Variants in WDR17 observed in about 807,000 individuals in gnomAD.
The protein encoded by WDR17 is WD repeat-containing protein 17.
Under a neutral mutation model 161.7 loss-of-function variants are expected in WDR17, and 143 were observed. The ratio of observed to expected loss-of-function variants is 0.88; its 90% CI spans 0.77 to 1.02. The LOEUF is 1.02. Among genes scored for constraint, WDR17 ranks in the 50% least tolerant of loss-of-function variants. The probability of loss-of-function intolerance (pLI) is 0.00; values close to 1 mark genes in which losing one functional copy is unlikely to be tolerated. For synonymous variants in WDR17, 517 were observed against 515.6 expected (o/e 1.00, Z -0.04); for missense variants, 1,469 against 1,520.9 (o/e 0.97, Z 0.57).
In WDR17 at chr4:176,090,252, GT is replaced by G. The variant is rs201862388; in HGVS notation, c.-6-21319del. Among the ~76,000 whole-genome samples the G allele has an allele frequency of 7.8e-3, 952 of 121,348 alleles. 13 individuals carry two copies. Among genetic ancestry groups the G allele is most frequent in the African/African-American group, 0.032 (881 of 27,556 alleles). The allele number at this position is 121,348 out of a possible 152,430, so 79.6% of individuals were successfully genotyped here. A position where few individuals can be genotyped will look rare whatever the true frequency, so the allele number is the denominator to read the frequency against. On this transcript the variant is annotated intron_variant, in intron 1 of 28. Transcript: ENST00000508596. ...CTATTAGTTCCTACTAGAGCTGGTT[GT>G]TTTAAAAAAAAAAAAAAAAAGCCTG...
intron 24 of WDR17, 57 bp from the exon 25 acceptor site, chr4:176,173,210 T>G: frequency 8.7e-7 from 1 of 1,149,776 alleles, no homozygotes; most frequent in Non-Finnish European, 1.3e-6. Context: ...TAAAAATGGA[T>G]GAATAAATTT....
chr4:176,103,692 A>C (rs1352425483), intron 1 of WDR17, among the ~76,000 whole-genome samples: 1 of 152,098 alleles, frequency 6.6e-6, no homozygotes, highest in East Asian at 1.9e-4. Context: ...GCAAATATGA[A>C]GATAAGACAA....
At chr4:176,073,761 C>T (rs966771735) in intron 1 of WDR17, among the ~76,000 whole-genome samples, 21 of 151,616 alleles carry the variant, frequency 1.4e-4, no homozygotes, top group African/African-American at 5.1e-4. Flanking sequence ...TCCTCTCCAG[C>T]ACCTGTTGTT....
chr4:176,169,927 A>T (rs568828976), intron 23 of WDR17, among the ~76,000 whole-genome samples: 1 of 152,326 alleles, frequency 6.6e-6, no homozygotes, highest in African/African-American at 2.4e-5. Context: ...TTTTAACATG[A>T]CAACTAAAAG....
chr4:176,149,297 T>G (rs1365800091), intron 13 of WDR17, among the ~76,000 whole-genome samples: 3 of 152,232 alleles, frequency 2.0e-5, no homozygotes, highest in African/African-American at 7.2e-5. Context: ...AGAGTCTCAC[T>G]CTGGCTCTGT....
chr4:176,130,882 G>A (rs1358920111), intron 6 of WDR17, among the ~76,000 whole-genome samples: 1 of 151,976 alleles, frequency 6.6e-6, no homozygotes, highest in Non-Finnish European at 1.5e-5. Context: ...ACATTCTAAG[G>A]AAGAGCTTTT....
Position 176,174,621 on chromosome 4 carries a change from C to A in WDR17, c.3352C>A (p.Arg1118=), listed in dbSNP as rs1561221070. 6.2e-7 allele frequency: 1 copy of A among 1,603,002 alleles called. No individual in the cohort carries two copies. ...AATAAATATATTCTCTTTTAGAGCT[C>A]GAAATGAGTTGCTGATATTATGTGG... ...KLLLHTCTEA[R]NELLILCGYI... The change falls in exon 26 of 29, where the codon CGA becomes AGA. Residue 1118 remains arginine (R), a synonymous_variant. Transcript: ENST00000508596.
intron 19 of WDR17, among the ~76,000 whole-genome samples, 166 bp downstream of exon 19, chr4:176,160,292 T>A (rs1748837178): frequency 6.6e-6 from 1 of 152,202 alleles, no homozygotes; most frequent in South Asian, 2.1e-4. Flanking sequence ...ACATACTATT[T>A]TCTGGTCACA....
intron 5 of WDR17, among the ~76,000 whole-genome samples, chr4:176,127,501 G>T (rs1326906852): frequency 1.3e-5 from 2 of 152,050 alleles, no homozygotes; most frequent in Non-Finnish European, 2.9e-5. Context: ...TTACCATGTT[G>T]GCCAGGCTGG....
chr4:176,095,195 C>T (rs1736666985), intron 1 of WDR17, among the ~76,000 whole-genome samples: 1 of 152,018 alleles, frequency 6.6e-6, no homozygotes, highest in South Asian at 2.1e-4. Flanking sequence ...GAAGAGAGGA[C>T]AAATCCAGAG....
In WDR17 at chr4:176,131,571, A is replaced by G. The variant is rs781684936; in HGVS notation, c.931A>G (p.Thr311Ala). The stretch of plus-strand genomic sequence containing the variant: ...ATTTTTAGTTTCAGTCCAATCTCCA[A>G]CCAAAAATCATTATACATCCTCAAC... The part of the protein sequence containing the change: ...PRKKFSVQSP[T>A]KNHYTSSTSE... Residue 311 changes from threonine to alanine, a missense_variant, in exon 7 of 29, where the codon ACC (threonine) becomes GCC (alanine). Coordinates refer to ENST00000508596, the MANE Select transcript of WDR17 (RefSeq NM_181265.4). The G allele has an allele frequency of 1.9e-6, 3 of 1,607,256 alleles. No homozygotes were observed. Among genetic ancestry groups the G allele is most frequent in the East Asian group, 2.2e-5 (1 of 44,520 alleles).
chr4:176,139,453 C>G (rs918533484), intron 9 of WDR17, among the ~76,000 whole-genome samples: 8 of 151,784 alleles, frequency 5.3e-5, no homozygotes, highest in Admixed American at 5.3e-4. Flanking sequence ...AACTTTGAAA[C>G]TTAGAGAAAC....
At chr4:176,162,603 T>C (rs1749192717) in intron 21 of WDR17, among the ~76,000 whole-genome samples, 1 of 152,138 alleles carries the variant, frequency 6.6e-6, no homozygotes, top group East Asian at 1.9e-4. Flanking sequence ...CCTTACCTAT[T>C]TCACATATAT....
At chr4:176,146,522 G>T (rs746032328) in intron 12 of WDR17, among the ~76,000 whole-genome samples, 5 of 152,164 alleles carry the variant, frequency 3.3e-5, no homozygotes, top group Non-Finnish European at 5.9e-5. Flanking sequence ...CCGTACTCAT[G>T]GCAGAACTCA....
chr4:176,080,565 G>A (rs868166881), intron 1 of WDR17, among the ~76,000 whole-genome samples: 16 of 152,212 alleles, frequency 1.1e-4, no homozygotes, highest in African/African-American at 3.6e-4. Context: ...ATCCAACGTG[G>A]CAGCTACTGC....
intron 7 of WDR17, among the ~76,000 whole-genome samples, chr4:176,132,319 A>G (rs1743597409): frequency 6.6e-6 from 1 of 152,062 alleles, no homozygotes; most frequent in African/African-American, 2.4e-5. Context: ...AATTTTGTTG[A>G]ATGAATGAAT....
In WDR17 at chr4:176,065,885, T is replaced by C. The variant is rs1397926489; in HGVS notation, c.-201T>C. 3 of 152,072 alleles carry C rather than the reference T, an allele frequency of 2.0e-5. No individual in the cohort carries two copies. The East Asian group carries it at 5.8e-4, about 29-fold the overall frequency. The allele number at this position is 152,072 out of a possible 1,614,324, so 9.4% of individuals were successfully genotyped here. ...GGCTCGCGGCGCCTTCCATCGTGGC[T>C]CCGCGCTGGGGCTTGCGGAGCACGC... On this transcript the variant is annotated 5_prime_UTR_variant, in exon 1 of 29. Coordinates refer to ENST00000508596, the MANE Select transcript of WDR17 (RefSeq NM_181265.4).
intron 25 of WDR17, among the ~76,000 whole-genome samples, chr4:176,173,999 A>G (rs1351582918): frequency 6.6e-6 from 1 of 151,878 alleles, no homozygotes; most frequent in Admixed American, 6.6e-5. Flanking sequence ...ACTCATGGTC[A>G]TATTTGTTAA....
At chr4:176,080,062 T>G (rs1734545182) in intron 1 of WDR17, among the ~76,000 whole-genome samples, 1 of 151,988 alleles carries the variant, frequency 6.6e-6, no homozygotes, top group Non-Finnish European at 1.5e-5. Context: ...GGATTAAGTT[T>G]CCAACACATG....
Sources: allele counts gnomAD v4.1 joint callset (sites outside exome capture counted in the v4.1 genomes callset), GRCh38; gene constraint gnomAD v4.1.1; transcripts MANE v1.5; gene names NCBI Gene and HGNC (gene_info 2026-07-23, HGNC 2026-07-21).